EBF4: variants seen among roughly 807,000 people sequenced by gnomAD.
EBF4 encodes the protein EBF transcription factor 4, also known as transcription factor COE4.
EBF4 carries 34 observed loss-of-function variants against 67.1 expected under a neutral mutation model. The observed-to-expected ratio is 0.51, with a 90% confidence interval of 0.39 to 0.67. EBF4 has a LOEUF of 0.67. Among genes scored for constraint, EBF4 ranks in the 30% least tolerant of loss-of-function variants. The probability of loss-of-function intolerance (pLI) is 0.00; values close to 1 mark genes in which losing one functional copy is unlikely to be tolerated. For synonymous variants in EBF4, 387 were observed against 377.7 expected (o/e 1.02, Z -0.29); for missense variants, 837 against 873.3 (o/e 0.96, Z 0.52).
intron 6 of EBF4, among the ~76,000 whole-genome samples, chr20:2,723,491 C>G (rs1006184399): frequency 7.0e-6 from 1 of 143,382 alleles, no homozygotes; most frequent in Non-Finnish European, 1.5e-5. Flanking sequence ...GCTGGGACTA[C>G]AGGCGCCGCC....
chr20:2,706,182 C>T, intron 3 of EBF4, 27 bp from the exon 4 acceptor site: 1 of 1,552,072 alleles, frequency 6.4e-7, no homozygotes, highest in Non-Finnish European at 8.7e-7. Context: ...CCCCCAGCAG[C>T]AAGCCCTCTC....
intron 6 of EBF4, among the ~76,000 whole-genome samples, chr20:2,717,485 T>G (rs1024990523): frequency 6.6e-6 from 1 of 152,208 alleles, no homozygotes; most frequent in Non-Finnish European, 1.5e-5. Context: ...CAGGAAACAC[T>G]GAAGAGATGA....
intron 6 of EBF4, among the ~76,000 whole-genome samples, chr20:2,742,704 CT>C (rs2087986110): frequency 6.6e-6 from 1 of 152,166 alleles, no homozygotes; most frequent in Non-Finnish European, 1.5e-5. Flanking sequence ...TCCCTGCCCC[CT>C]GCCCCCATCC....
chr20:2,725,725 C>T (rs2087738501), intron 6 of EBF4, among the ~76,000 whole-genome samples: 1 of 152,220 alleles, frequency 6.6e-6, no homozygotes. Context: ...ACAAGGGGTG[C>T]TACCAACCTC....
Position 2,707,591 on chromosome 20 carries a change from G to A in EBF4, c.415-356G>A, listed in dbSNP as rs3827129. Among the ~76,000 whole-genome samples, 8,846 of 152,134 alleles carry A rather than the reference G, an allele frequency of 0.058. 344 individuals carry two copies. Among genetic ancestry groups the A allele is most frequent in the East Asian group, 0.19 (995 of 5,152 alleles). ...GCACACAGGAGGATGCTGGGGGAGGGGAGGGGCCTGGTGCTGGGTGGGCAC... is the reference window on the plus strand; with the variant it reads ...GCACACAGGAGGATGCTGGGGGAGGAGAGGGGCCTGGTGCTGGGTGGGCAC... On this transcript the variant is annotated intron_variant, in intron 4 of 16. Coordinates refer to ENST00000609451, the Ensembl canonical transcript of EBF4. This position sits in a 1 kb window ranked among gnomAD's most constrained non-coding sequence, Gnocchi z 4.6.
At chr20:2,749,589 C>G (rs746474905) in intron 8 of EBF4, 31 bp from the exon 9 acceptor site, 22 of 1,549,638 alleles carry the variant, frequency 1.4e-5, no homozygotes, top group Non-Finnish European at 4.4e-6. Flanking sequence ...TCAGCGCGGT[C>G]CCCTGACCTG....
chr20:2,701,274 G>T (rs915513791), intron 1 of EBF4, among the ~76,000 whole-genome samples: 2 of 152,202 alleles, frequency 1.3e-5, no homozygotes, highest in Non-Finnish European at 2.9e-5. Flanking sequence ...CTACTATGGG[G>T]CAGGGCACAG....
intron 6 of EBF4, among the ~76,000 whole-genome samples, chr20:2,736,628 C>T (rs1238872539): frequency 2.0e-5 from 3 of 152,180 alleles, no homozygotes; most frequent in African/African-American, 7.2e-5. Flanking sequence ...CCAGAACCTC[C>T]CTGCTGGGTC....
At chr20:2,715,301 G>A (rs1038215127) in intron 6 of EBF4, among the ~76,000 whole-genome samples, 6 of 152,096 alleles carry the variant, frequency 3.9e-5, no homozygotes, top group African/African-American at 1.4e-4. Flanking sequence ...CTTCTGCAAT[G>A]CTCTTTTTAA....
At chr20:2,732,354 T>C (rs2087824864) in intron 6 of EBF4, among the ~76,000 whole-genome samples, 1 of 152,236 alleles carries the variant, frequency 6.6e-6, no homozygotes, top group South Asian at 2.1e-4. Flanking sequence ...GCTCCTGGAT[T>C]CAAGCAATCT....
At chr20:2,740,759 GGT>G (rs1305749797) in intron 6 of EBF4, among the ~76,000 whole-genome samples, 202 of 152,254 alleles carry the variant, frequency 1.3e-3, no homozygotes, top group African/African-American at 4.5e-3. Context: ...ACAAGGAGGT[GGT>G]CTCGGTCGGA....
intron 6 of EBF4, among the ~76,000 whole-genome samples, chr20:2,721,434 C>T (rs1387852133): frequency 6.6e-6 from 1 of 151,846 alleles, no homozygotes; most frequent in African/African-American, 2.4e-5. Context: ...TGATTTGTAT[C>T]TTTTTTATAT....
At chr20:2,754,264 G>A (rs989373940) in intron 14 of EBF4, among the ~76,000 whole-genome samples, 3 of 152,094 alleles carry the variant, frequency 2.0e-5, no homozygotes, top group African/African-American at 4.8e-5. Context: ...TTGAGTTTGC[G>A]AGAACATTCC....
chr20:2,706,483 T>C (rs2087461308), intron 4 of EBF4, among the ~76,000 whole-genome samples: 1 of 152,108 alleles, frequency 6.6e-6, no homozygotes, highest in Non-Finnish European at 1.5e-5. Context: ...AACCCTGGCT[T>C]GGGTCATGTT....
exon 9 of EBF4, chr20:2,749,703 T>A (rs1600242084): frequency 6.4e-7 from 1 of 1,559,080 alleles, no homozygotes; most frequent in South Asian, 1.2e-5. Context: ...CGGCGACAAC[T>A]TCTTCGACGG....
At chr20:2,709,843 C>A (rs1029985136) in intron 6 of EBF4, among the ~76,000 whole-genome samples, 1 of 151,622 alleles carries the variant, frequency 6.6e-6, no homozygotes, top group African/African-American at 2.4e-5. Flanking sequence ...CCCCAGGTGG[C>A]CAACTTTCTG....
downstream of EBF4, chr20:2,759,678 T>C (rs1235227824): frequency 3.3e-5 from 5 of 152,448 alleles, no homozygotes; most frequent in Non-Finnish European, 7.3e-5. Flanking sequence ...AGGTCCTGTT[T>C]GCATCTGACC....
intron 14 of EBF4, chr20:2,754,981 C>CA (rs2088218755): frequency 7.1e-6 from 1 of 141,616 alleles, no homozygotes; most frequent in African/African-American, 2.6e-5. Context: ...CCCCCCCCCA[C>CA]AGGGCCCAGG....
chr20:2,719,548 C>T (rs1169196579), intron 6 of EBF4, among the ~76,000 whole-genome samples: 1 of 152,132 alleles, frequency 6.6e-6, no homozygotes, highest in Non-Finnish European at 1.5e-5. Flanking sequence ...GCTGGGATTA[C>T]AGGCATGAAC....
Sources: allele counts gnomAD v4.1 joint callset (sites outside exome capture counted in the v4.1 genomes callset), GRCh38; gene constraint gnomAD v4.1.1; non-coding constraint Gnocchi (gnomAD v3.1); transcripts MANE v1.5; gene names NCBI Gene and HGNC (gene_info 2026-07-23, HGNC 2026-07-21).